The following PM20D2 variants were observed in gnomAD, a reference collection of about 807,000 sequenced individuals.
The protein encoded by PM20D2 is peptidase M20 domain containing 2, also known as xaa-Arg dipeptidase.
In PM20D2, 33 loss-of-function variants were observed where a neutral mutation model predicts 42.9. That is an observed-to-expected ratio of 0.77 (90% CI 0.58 to 1.03). PM20D2 has a LOEUF of 1.03. Among genes scored for constraint, PM20D2 ranks in the 50% least tolerant of loss-of-function variants. The probability of loss-of-function intolerance (pLI) is 0.00; values close to 1 mark genes in which losing one functional copy is unlikely to be tolerated. For missense variants in PM20D2, 548 were observed against 557.0 expected (o/e 0.98, Z 0.16); for synonymous variants, 250 against 228.2 (o/e 1.10, Z -0.86).
At position 89,159,016 on chromosome 6, in the gene PM20D2, T is replaced by C. The variant is rs181760224; in HGVS notation, c.1048+556T>C. Among the ~76,000 whole-genome samples, 93 of 152,262 alleles carry C rather than the reference T, an allele frequency of 6.1e-4. No homozygotes were observed. The East Asian group carries it at 0.01, about 17-fold the overall frequency. Reference sequence around the variant, plus strand: ...CTTGGTGGTGAAAATGGGGTGTCGGTGTCATTCATTAAGATAAGGAGTTCA... The same window carrying C: ...CTTGGTGGTGAAAATGGGGTGTCGGCGTCATTCATTAAGATAAGGAGTTCA... On this transcript the variant is annotated intron_variant, in intron 5 of 6. Transcript: ENST00000275072.
chr6:89,158,522 A>G, intron 5 of PM20D2, 62 bp downstream of exon 5: 1 of 1,557,128 alleles, frequency 6.4e-7, no homozygotes, highest in Non-Finnish European at 8.7e-7. Context: ...TCTTTGGTTA[A>G]ATTGGTTGTA....
At chr6:89,105,681 A>G in the PM20D2 span, 2 of 515,548 alleles carry the variant, frequency 3.9e-6, no homozygotes, top group East Asian at 3.4e-5. Context: ...CAGAAAAAAA[A>G]CTTTCACTTT....
the PM20D2 span, among the ~76,000 whole-genome samples, chr6:89,128,215 GAATATT>G: frequency 6.6e-6 from 1 of 152,168 alleles, no homozygotes; most frequent in Non-Finnish European, 1.5e-5. Context: ...TCCTAGCAAA[GAATATT>G]AATATTAATA....
chr6:89,119,160 G>C, the PM20D2 span, among the ~76,000 whole-genome samples: 51 of 152,208 alleles, frequency 3.4e-4, no homozygotes, highest in Non-Finnish European at 1.5e-4. Flanking sequence ...CATTCAGAAG[G>C]GATTGCTCTG....
At chr6:89,158,798 T>A (rs1006247565) in intron 5 of PM20D2, among the ~76,000 whole-genome samples, 2 of 152,230 alleles carry the variant, frequency 1.3e-5, no homozygotes, top group Non-Finnish European at 2.9e-5. Context: ...AATAAGCAGG[T>A]TACTAAGTAC....
chr6:89,147,478 T>C (rs994183502), intron 1 of PM20D2, among the ~76,000 whole-genome samples: 4 of 152,160 alleles, frequency 2.6e-5, no homozygotes, highest in African/African-American at 9.7e-5. Flanking sequence ...CTTTTTTCTG[T>C]CTCTGGAGGC....
intron 2 of PM20D2, 44 bp downstream of exon 2, chr6:89,149,457 C>CTA: frequency 6.3e-7 from 1 of 1,587,476 alleles, no homozygotes; most frequent in Non-Finnish European, 8.6e-7. Context: ...GGAACACAGG[C>CTA]TATAGAATAC....
the PM20D2 span, among the ~76,000 whole-genome samples, chr6:89,135,191 A>G: frequency 1.3e-5 from 2 of 151,496 alleles, 1 homozygote; most frequent in African/African-American, 4.9e-5. Flanking sequence ...TCAGAAAAAT[A>G]TACCACTTCT....
chr6:89,100,065 C>T, the PM20D2 span, among the ~76,000 whole-genome samples: 3 of 152,002 alleles, frequency 2.0e-5, no homozygotes, highest in Non-Finnish European at 4.4e-5. Context: ...GGGTGGGACA[C>T]GAGAGGCAAA....
the PM20D2 span, chr6:89,098,862 T>C: frequency 1.2e-6 from 2 of 1,613,994 alleles, no homozygotes; most frequent in East Asian, 2.2e-5. Context: ...CTTGGAGTTC[T>C]TGACTGCCTT....
At chr6:89,148,846 A>G (rs1020287350) in intron 1 of PM20D2, among the ~76,000 whole-genome samples, 2 of 152,224 alleles carry the variant, frequency 1.3e-5, no homozygotes, top group African/African-American at 4.8e-5. Flanking sequence ...TTGTGAGGAT[A>G]AGTAGTAAGT....
chr6:89,158,549 G>T, intron 5 of PM20D2, 89 bp downstream of exon 5: 2 of 1,446,180 alleles, frequency 1.4e-6, no homozygotes, highest in Admixed American at 2.2e-5. Context: ...GGTTTGGGAG[G>T]TCGGGAGGTA....
the PM20D2 span, among the ~76,000 whole-genome samples, chr6:89,126,810 A>G: frequency 6.6e-6 from 1 of 152,148 alleles, no homozygotes; most frequent in Non-Finnish European, 1.5e-5. Context: ...ATAAACAATG[A>G]CTTTTTGGAA....
upstream of PM20D2, among the ~76,000 whole-genome samples, chr6:89,141,904 A>T (rs115814822): frequency 6.6e-3 from 1,009 of 152,218 alleles, 12 homozygotes; most frequent in African/African-American, 0.023. Context: ...CCCGGGCTCA[A>T]GCGATCCTCA....
chr6:89,117,900 C>A, the PM20D2 span: 1 of 1,559,916 alleles, frequency 6.4e-7, no homozygotes, highest in East Asian at 2.7e-5. Flanking sequence ...CCGCTTCCTC[C>A]GTTCCCTCCG....
At position 89,165,384 on chromosome 6, in the gene PM20D2, ATACT is replaced by A. The variant is rs746168393; in HGVS notation, c.*3123_*3126del. 4.6e-5 allele frequency: 7 copies of A among 152,196 alleles called. No homozygotes were observed. The highest frequency in any genetic ancestry group is 1.3e-4 in the Admixed American group (2 of 15,272). The allele number at this position is 152,196 out of a possible 1,614,324, so 9.4% of individuals were successfully genotyped here. A position where few individuals can be genotyped will look rare whatever the true frequency, so the allele number is the denominator to read the frequency against. ...TATAATAAACTGCTTATTTTTTTAC[ATACT>A]TCATATCAAGCATTTTGCAGTCCAA... is the stretch of plus-strand genomic sequence containing the variant. On this transcript the variant is annotated 3_prime_UTR_variant, in exon 7 of 7. Coordinates refer to ENST00000275072, the MANE Select transcript of PM20D2 (RefSeq NM_001010853.3).
chr6:89,123,321 T>G, the PM20D2 span, among the ~76,000 whole-genome samples: 24 of 152,150 alleles, frequency 1.6e-4, no homozygotes, highest in Non-Finnish European at 2.9e-4. Context: ...CTGTGAGATT[T>G]TTGCCATAAT....
chr6:89,160,722 A>G (rs1771205474), intron 5 of PM20D2, among the ~76,000 whole-genome samples: 1 of 152,234 alleles, frequency 6.6e-6, no homozygotes, highest in South Asian at 2.1e-4. Flanking sequence ...ATTAAAAAGT[A>G]CTGTAAAGGA....
At chr6:89,099,265 A>T in the PM20D2 span, among the ~76,000 whole-genome samples, 39 of 151,928 alleles carry the variant, frequency 2.6e-4, no homozygotes, top group South Asian at 1.0e-3. Flanking sequence ...AAAAAAGATT[A>T]AAAAAATCAA....
Sources: gnomAD v4.1 joint callset for allele counts (sites outside exome capture counted in the v4.1 genomes callset) on GRCh38, gnomAD v4.1.1 for gene constraint, MANE v1.5 for transcripts, NCBI Gene and HGNC (gene_info 2026-07-23, HGNC 2026-07-21) for gene names.